ACSM3: variants seen among roughly 807,000 people sequenced by gnomAD.
ACSM3 encodes acyl-CoA synthetase medium chain family member 3, also known as acyl-coenzyme A synthetase ACSM3, mitochondrial.
A neutral mutation model predicts 74.1 loss-of-function variants in ACSM3; 61 were observed. The observed-to-expected ratio is 0.82, with a 90% confidence interval of 0.67 to 1.02. The LOEUF (loss-of-function observed/expected upper bound fraction) is 1.02. ACSM3 is among the 50% of genes least tolerant of loss of function. The pLI is 0.00. For missense variants in ACSM3, 660 were observed against 697.0 expected (o/e 0.95, Z 0.60); for synonymous variants, 213 against 241.5 (o/e 0.88, Z 1.09).
chr16:20,759,295 C>T (rs139286631), upstream of ACSM3, among the ~76,000 whole-genome samples: 7 of 152,270 alleles, frequency 4.6e-5, no homozygotes, highest in African/African-American at 7.2e-5. Flanking sequence ...TGGTGGCTCA[C>T]GCCTGTAATC....
intron 1 of ACSM3, among the ~76,000 whole-genome samples, chr16:20,709,939 T>C (rs1053839627): frequency 1.3e-5 from 2 of 152,212 alleles, no homozygotes; most frequent in African/African-American, 2.4e-5. Flanking sequence ...CTGGGATTAA[T>C]TTTAAGTGAG....
At chr16:20,785,132 T>C (rs747351317) in intron 8 of ACSM3, 25 bp downstream of exon 8, 3 of 1,611,258 alleles carry the variant, frequency 1.9e-6, no homozygotes, top group Admixed American at 3.3e-5. Flanking sequence ...TGAAAAGACA[T>C]AGCTGGATTC....
chr16:20,760,894 G>T (rs1030166204), upstream of ACSM3, among the ~76,000 whole-genome samples: 1 of 147,004 alleles, frequency 6.8e-6, no homozygotes, highest in East Asian at 1.9e-4. Flanking sequence ...GCTACCTGGA[G>T]GCTTCATCTA....
intron 2 of ACSM3, among the ~76,000 whole-genome samples, chr16:20,772,967 CAAA>C (rs200907446): frequency 2.5e-5 from 2 of 81,408 alleles, no homozygotes; most frequent in Non-Finnish European, 2.6e-5. Flanking sequence ...GACTCCCTCT[CAAA>C]AAAAAAAAAA....
intron 1 of ACSM3, among the ~76,000 whole-genome samples, chr16:20,683,330 G>A (rs1215345836): frequency 1.3e-5 from 2 of 151,852 alleles, no homozygotes; most frequent in East Asian, 1.9e-4. Context: ...TTTTCACCAG[G>A]TTGGCCAGGA....
In ACSM3 at chr16:20,790,850, C is replaced by G; in HGVS notation, c.1326+162C>G. 1 of 1,613,792 alleles carries G rather than the reference C, an allele frequency of 6.2e-7. No individual in the cohort carries two copies. Among genetic ancestry groups the G allele is most frequent in the Middle Eastern group, 1.6e-4 (1 of 6,062 alleles). ...AAAAGACAAGAAATTGAAGAAATACCCAAATTCTTGCTGAAGAAAAGCATG... is the reference window on the plus strand; with the variant it reads ...AAAAGACAAGAAATTGAAGAAATACGCAAATTCTTGCTGAAGAAAAGCATG... On this transcript the variant is annotated intron_variant, in intron 10 of 13. Transcript: ENST00000289416. This position sits in a 1 kb window ranked among gnomAD's most constrained non-coding sequence, Gnocchi z 4.0.
At chr16:20,728,613 A>G (rs917464822) in intron 1 of ACSM3, 4 of 416,634 alleles carry the variant, frequency 9.6e-6, no homozygotes, top group South Asian at 2.9e-5. Flanking sequence ...AGTAAAATGC[A>G]GAGACTATCA....
intron 1 of ACSM3, chr16:20,738,803 A>C: frequency 7.0e-7 from 1 of 1,422,762 alleles, no homozygotes; most frequent in Non-Finnish European, 9.7e-7. Context: ...TAACTGAGTC[A>C]TGCCCAAGAA....
chr16:20,777,396 A>G lies in ACSM3; in HGVS notation c.454A>G (p.Thr152Ala). 1 of 1,614,006 alleles carries G rather than the reference A, an allele frequency of 6.2e-7. No homozygotes were observed. Among genetic ancestry groups the G allele is most frequent in the Non-Finnish European group, 8.5e-7 (1 of 1,179,936 alleles). The change falls in exon 4 of 14, where the codon ACT (threonine) becomes GCT (alanine). Residue 152 changes from threonine to alanine, a missense_variant. Coordinates refer to ENST00000289416, the MANE Select transcript of ACSM3 (RefSeq NM_005622.4). ...RTGTVLIPGT[T>A]QLTQKDILYR... Reference sequence around the variant, plus strand: ...AGGGACAGTTTTAATTCCAGGAACCACTCAGCTGACCCAGAAAGACATTCT... The same window carrying G: ...AGGGACAGTTTTAATTCCAGGAACCGCTCAGCTGACCCAGAAAGACATTCT...
intron 1 of ACSM3, chr16:20,728,429 A>AG: frequency 7.0e-7 from 1 of 1,427,896 alleles, no homozygotes; most frequent in Non-Finnish European, 9.8e-7. Flanking sequence ...CTGGCAAAGA[A>AG]GGGGAAATTG....
intron 1 of ACSM3, chr16:20,691,034 G>T (rs763086324): frequency 1.2e-6 from 2 of 1,613,558 alleles, no homozygotes; most frequent in South Asian, 2.2e-5. Flanking sequence ...TACATAACTT[G>T]CAAAGTTAAA....
At chr16:20,719,320 G>T in intron 1 of ACSM3, 1 of 256,914 alleles carries the variant, frequency 3.9e-6, no homozygotes. Context: ...TTTTCTTCCT[G>T]GCTTTATGGA....
rs569393360 is a variant in ACSM3 at position 20,747,571 on chromosome 16, G to T, written c.-189-2339G>T. 5.3e-5 allele frequency among the ~76,000 whole-genome samples: 8 copies of T among 152,228 alleles called. No homozygotes were observed. In the South Asian group the frequency reaches 1.7e-3, roughly 32 times the overall value. Reference sequence around the variant, plus strand: ...TAAAATCCTCCTGTCCCACCCATTGGTCTCTCCTGTCCCTTAATTCCTGCA... The same window carrying T: ...TAAAATCCTCCTGTCCCACCCATTGTTCTCTCCTGTCCCTTAATTCCTGCA... On this transcript the variant is annotated intron_variant, in intron 1 of 3. Transcript: ENST00000561584.
chr16:20,755,786 C>CCG (rs2080025916), intron 3 of ACSM3, among the ~76,000 whole-genome samples: 1 of 100,930 alleles, frequency 9.9e-6, no homozygotes, highest in Non-Finnish European at 2.0e-5. Flanking sequence ...CCCTCCCCCC[C>CCG]CCCCACCCCA....
At chr16:20,711,573 G>A (rs1000049047) in intron 1 of ACSM3, 6 of 1,388,346 alleles carry the variant, frequency 4.3e-6, no homozygotes, top group Non-Finnish European at 5.0e-6. Flanking sequence ...GTGAGGAGGT[G>A]GTCCCAGTAG....
At chr16:20,724,310 G>A (rs1271308618) in intron 1 of ACSM3, among the ~76,000 whole-genome samples, 1 of 152,086 alleles carries the variant, frequency 6.6e-6, no homozygotes, top group East Asian at 1.9e-4. Flanking sequence ...TGCAGAAAAG[G>A]CCTTTGACAA....
In ACSM3 at chr16:20,785,853, CAT is replaced by C. The variant is rs534271016; in HGVS notation, c.1144-224_1144-223del. On this transcript the variant is annotated intron_variant, in intron 8 of 13. Transcript: ENST00000289416. ...ATATAAATGCAAATGTTAATATACT[CAT>C]GTTTTGATAAATATGGATATATGAG... Among the ~76,000 whole-genome samples the C allele has an allele frequency of 1.2e-3, 188 of 152,152 alleles. 1 individual carries two copies. The highest frequency in any genetic ancestry group is 4.1e-3 in the African/African-American group (170 of 41,522).
intron 1 of ACSM3, among the ~76,000 whole-genome samples, chr16:20,707,324 T>C (rs1050234561): frequency 1.3e-5 from 2 of 152,166 alleles, no homozygotes; most frequent in Admixed American, 6.5e-5. Context: ...TCTGTCTCAG[T>C]TGTAGACCTT....
intron 4 of ACSM3, among the ~76,000 whole-genome samples, chr16:20,778,757 CT>C (rs376175401): frequency 1.4e-3 from 209 of 146,046 alleles, no homozygotes; most frequent in Admixed American, 1.5e-3. Flanking sequence ...GCTATAGATA[CT>C]TTTTTTTTTT....
Sources: gnomAD v4.1 joint callset for allele counts (sites outside exome capture counted in the v4.1 genomes callset) on GRCh38, gnomAD v4.1.1 for gene constraint, Gnocchi (gnomAD v3.1) non-coding constraint, MANE v1.5 for transcripts, NCBI Gene and HGNC (gene_info 2026-07-23, HGNC 2026-07-21) for gene names.